Variants in IPO11 observed in about 807,000 individuals in gnomAD.
The protein encoded by IPO11 is importin 11.
Under a neutral mutation model 143.2 loss-of-function variants are expected in IPO11, and 66 were observed. That is an observed-to-expected ratio of 0.46 (90% CI 0.38 to 0.57). The LOEUF is 0.57. Ranked by LOEUF, IPO11 falls within the 20% of genes least tolerant of loss-of-function variation. IPO11 has a pLI of 0.00. For missense variants in IPO11, 1,026 were observed against 1,141.0 expected (o/e 0.90, Z 1.45); for synonymous variants, 385 against 377.8 (o/e 1.02, Z -0.22).
At chr5:62,556,032 A>G (rs1388556280) in intron 26 of IPO11, among the ~76,000 whole-genome samples, 1 of 152,228 alleles carries the variant, frequency 6.6e-6, no homozygotes, top group Non-Finnish European at 1.5e-5. Context: ...GATCTGATTA[A>G]ATCCAAATGC....
At chr5:62,558,889 A>G (rs1321783082) in intron 26 of IPO11, among the ~76,000 whole-genome samples, 1 of 152,226 alleles carries the variant, frequency 6.6e-6, no homozygotes, top group Non-Finnish European at 1.5e-5. Context: ...GACTACCACA[A>G]TAAAGTGAGT....
chr5:62,582,572 C>T (rs2112409732), intron 27 of IPO11, among the ~76,000 whole-genome samples: 2 of 152,306 alleles, frequency 1.3e-5, no homozygotes, highest in Admixed American at 1.3e-4. Flanking sequence ...AAACTTTCAT[C>T]TGTCCAGTAC....
chr5:62,612,182 G>T (rs1745946537), intron 29 of IPO11, among the ~76,000 whole-genome samples: 1 of 152,010 alleles, frequency 6.6e-6, no homozygotes, highest in Non-Finnish European at 1.5e-5. Context: ...CTTAAATGAA[G>T]AACTGCATAA....
intron 13 of IPO11, among the ~76,000 whole-genome samples, chr5:62,488,710 G>C (rs1438456617): frequency 6.6e-6 from 1 of 152,156 alleles, no homozygotes; most frequent in African/African-American, 2.4e-5. Context: ...CATGTTGTCA[G>C]AATGAGTGTT....
At chr5:62,557,357 A>G (rs879550869) in intron 26 of IPO11, among the ~76,000 whole-genome samples, 2 of 152,162 alleles carry the variant, frequency 1.3e-5, no homozygotes, top group East Asian at 3.9e-4. Flanking sequence ...CTAATTTTGT[A>G]TTTTTAGTAG....
chr5:62,561,223 T>C lies in IPO11; in HGVS notation c.2548T>C (p.Leu850=). The C allele has an allele frequency of 6.3e-7, 1 of 1,598,578 alleles. No individual in the cohort carries two copies. The highest frequency in any genetic ancestry group is 8.5e-7 in the Non-Finnish European group (1 of 1,172,022). ...TQPERRKLSA[L]ALLSLLPSDN... ...GCCTGAAAGAAGAAAACTTTCAGCT[T>C]TGGCTTTGCTCTCTCTTCTGCCATC... The change falls in exon 27 of 30, where the codon TTG becomes CTG. Residue 850 remains leucine, a synonymous_variant. Transcript: ENST00000325324.
At chr5:62,488,976 C>T (rs27449) in intron 13 of IPO11, among the ~76,000 whole-genome samples, 1 of 151,960 alleles carries the variant, frequency 6.6e-6, no homozygotes, top group Non-Finnish European at 1.5e-5. Flanking sequence ...CCACTGTACT[C>T]CAGCCTGGGT....
At chr5:62,486,126 G>A (rs954164817) in intron 12 of IPO11, among the ~76,000 whole-genome samples, 4 of 151,468 alleles carry the variant, frequency 2.6e-5, no homozygotes, top group Non-Finnish European at 5.9e-5. Context: ...GAATACAGGC[G>A]CCCGCCACCA....
chr5:62,444,643 A>C (rs1458285636), intron 3 of IPO11, among the ~76,000 whole-genome samples: 2 of 151,852 alleles, frequency 1.3e-5, no homozygotes. Context: ...TGGGAGGTCG[A>C]GGATCACCTG....
chr5:62,468,110 G>C (rs910574861), intron 6 of IPO11, among the ~76,000 whole-genome samples: 5 of 151,994 alleles, frequency 3.3e-5, no homozygotes, highest in Admixed American at 1.3e-4. Flanking sequence ...ACTGCACCAG[G>C]CTGATTTTTA....
intron 1 of IPO11, among the ~76,000 whole-genome samples, chr5:62,434,418 T>C (rs1454889130): frequency 6.6e-6 from 1 of 152,068 alleles, no homozygotes; most frequent in Admixed American, 6.6e-5. Context: ...TCCTCCCACC[T>C]TAGCCTCCTT....
chr5:62,446,746 G>A (rs1744733500), intron 3 of IPO11, among the ~76,000 whole-genome samples: 1 of 152,106 alleles, frequency 6.6e-6, no homozygotes, highest in African/African-American at 2.4e-5. Flanking sequence ...AGGCGGGCAG[G>A]TCGCCTGAGG....
intron 16 of IPO11, among the ~76,000 whole-genome samples, chr5:62,497,873 A>G (rs1475019283): frequency 6.6e-6 from 1 of 152,218 alleles, no homozygotes; most frequent in Admixed American, 6.5e-5. Flanking sequence ...TAAGGATGGC[A>G]ATACTACAGT....
rs555220920 is a variant in IPO11 at position 62,539,117 on chromosome 5, A to G, written c.2250+1828A>G. On this transcript the variant is annotated intron_variant, in intron 24 of 29. Coordinates refer to ENST00000325324, the MANE Select transcript of IPO11 (RefSeq NM_016338.5). ...TGTATTAGTTTCCTAGGGATGCTGT[A>G]ACAAAATACCACAACCTTGGTGGCT... Among the ~76,000 whole-genome samples the G allele has an allele frequency of 7.2e-5, 11 of 152,334 alleles. No individual in the cohort carries two copies. In the East Asian group the frequency reaches 2.1e-3, roughly 29 times the overall value.
chr5:62,576,302 G>A (rs1744311664), intron 27 of IPO11: 1 of 152,614 alleles, frequency 6.6e-6, no homozygotes, highest in African/African-American at 2.4e-5. Flanking sequence ...GTTCCAAGCA[G>A]GCCTCGACAG....
chr5:62,423,457 C>G (rs1743588694), intron 1 of IPO11, among the ~76,000 whole-genome samples: 1 of 152,174 alleles, frequency 6.6e-6, no homozygotes. Flanking sequence ...GTGTACTATG[C>G]AGAACAGTAG....
chr5:62,619,720 G>C (rs1271809895), intron 29 of IPO11, among the ~76,000 whole-genome samples: 3 of 152,032 alleles, frequency 2.0e-5, no homozygotes, highest in African/African-American at 4.8e-5. Flanking sequence ...GGGCACGGTG[G>C]TGGGCGCCTG....
At chr5:62,519,789 G>A (rs1396162402) in intron 20 of IPO11, among the ~76,000 whole-genome samples, 1 of 152,194 alleles carries the variant, frequency 6.6e-6, no homozygotes, top group East Asian at 1.9e-4. Context: ...TGAAATTGAG[G>A]TGACTGCCAG....
chr5:62,627,136 C>T lies in IPO11; in HGVS notation c.2764-18C>T. On this transcript the variant is annotated intron_variant, in intron 29 of 29. Coordinates refer to ENST00000325324, the MANE Select transcript of IPO11 (RefSeq NM_016338.5). ...GTTTTGCTTTTTTGACAGTCTTGCT[C>T]CTCTCTGTATCCCACAGCTGGCCCT... 1 of 1,605,088 alleles carries T rather than the reference C, an allele frequency of 6.2e-7. No homozygotes were observed. Among genetic ancestry groups the T allele is most frequent in the East Asian group, 2.2e-5 (1 of 44,694 alleles).
Sources: gnomAD v4.1 joint callset for allele counts (sites outside exome capture counted in the v4.1 genomes callset) on GRCh38, gnomAD v4.1.1 for gene constraint, MANE v1.5 for transcripts, NCBI Gene and HGNC (gene_info 2026-07-23, HGNC 2026-07-21) for gene names.